RICTOR: variants seen among roughly 807,000 people sequenced by gnomAD.
RICTOR encodes the protein RPTOR independent companion of MTOR complex 2.
RICTOR carries 49 observed loss-of-function variants against 214.9 expected under a neutral mutation model. The observed-to-expected ratio is 0.23, with a 90% CI of 0.18 to 0.29. The LOEUF is 0.29. Ranked by LOEUF, RICTOR falls within the 10% of genes least tolerant of loss-of-function variation. RICTOR has a pLI of 1.00. For synonymous variants in RICTOR, 717 were observed against 711.3 expected (o/e 1.01, Z -0.13); for missense variants, 1,625 against 2,047.0 (o/e 0.79, Z 3.98).
chr5:38,942,795 C>A, intron 37 of RICTOR, 38 bp downstream of exon 37: 2 of 1,477,828 alleles, frequency 1.4e-6, no homozygotes, highest in Non-Finnish European at 1.9e-6. Flanking sequence ...CAGAATTATT[C>A]TTGGAAGATA....
At chr5:38,967,846 T>G in intron 12 of RICTOR, 97 bp downstream of exon 12, 1 of 617,682 alleles carries the variant, frequency 1.6e-6, no homozygotes, top group Non-Finnish European at 2.9e-6. Flanking sequence ...GAAAAGAAAA[T>G]AGTGTTCAAT....
chr5:39,067,425 G>T (rs1758984657), intron 2 of RICTOR, among the ~76,000 whole-genome samples: 2 of 152,056 alleles, frequency 1.3e-5, no homozygotes, highest in South Asian at 4.2e-4. Context: ...CCAGCATTGG[G>T]GATTACAATT....
At chr5:39,066,691 A>G (rs964053272) in intron 2 of RICTOR, among the ~76,000 whole-genome samples, 1 of 152,210 alleles carries the variant, frequency 6.6e-6, no homozygotes, top group Non-Finnish European at 1.5e-5. Context: ...AGCATCCAGG[A>G]CACATCTTGA....
At chr5:38,968,965 GTTTTTTTTTT>G (rs70982522) in intron 11 of RICTOR, among the ~76,000 whole-genome samples, 1 of 95,488 alleles carries the variant, frequency 1.0e-5, no homozygotes, top group Non-Finnish European at 2.0e-5. Context: ...CGGGGGAGGA[GTTTTTTTTTT>G]TTTTTTTTTT....
At chr5:38,995,936 T>A (rs1245846901) in intron 6 of RICTOR, among the ~76,000 whole-genome samples, 1 of 152,180 alleles carries the variant, frequency 6.6e-6, no homozygotes, top group African/African-American at 2.4e-5. Context: ...CATTTACTTG[T>A]TCACCTGTGA....
Position 38,940,130 on chromosome 5 carries a change from T to TAAA in RICTOR, c.*2171_*2173dup, listed in dbSNP as rs1554057737. 13 of 86,418 alleles carry TAAA rather than the reference T, an allele frequency of 1.5e-4. No individual in the cohort carries two copies. The highest frequency in any genetic ancestry group is 6.9e-4 in the African/African-American group (8 of 11,548). 5.4% of individuals were successfully genotyped at this position (86,418 alleles called of 1,614,324 possible). A position where few individuals can be genotyped will look rare whatever the true frequency, so the allele number is the denominator to read the frequency against. ...ACATACATATTTTTCAAAGTAACAG[T>TAAA]AAAAAAAAAAAACAAAAAAAAAAAC... On this transcript the variant is annotated 3_prime_UTR_variant, in exon 38 of 38. Coordinates refer to ENST00000357387, the MANE Select transcript of RICTOR (RefSeq NM_152756.5).
intron 5 of RICTOR, among the ~76,000 whole-genome samples, chr5:39,001,649 A>G (rs574971630): frequency 2.6e-5 from 4 of 152,110 alleles, no homozygotes; most frequent in Non-Finnish European, 5.9e-5. Flanking sequence ...ATATATCTGT[A>G]AAGACTCATA....
At chr5:38,945,177 A>G in intron 34 of RICTOR, 109 bp from the exon 35 acceptor site, 1 of 819,824 alleles carries the variant, frequency 1.2e-6, no homozygotes, top group East Asian at 2.7e-5. Context: ...CTCTAATTGT[A>G]TGCAATATAC....
At position 38,989,883 on chromosome 5, in the gene RICTOR, C is replaced by A. The variant is rs370304229; in HGVS notation, c.583+1066G>T. Among the ~76,000 whole-genome samples, 8 of 152,258 alleles carry A rather than the reference C, an allele frequency of 5.3e-5. No individual in the cohort carries two copies. In the South Asian group the frequency reaches 1.7e-3, roughly 32 times the overall value. On this transcript the variant is annotated intron_variant, in intron 7 of 37. Coordinates refer to ENST00000357387, the MANE Select transcript of RICTOR (RefSeq NM_152756.5). ...TAGAGAGGATGTGAAGAAATAGGAA[C>A]GCTTTCACACTGTTGGTGGGACTGT...
intron 14 of RICTOR, chr5:38,966,928 G>A (rs937044556): frequency 3.2e-4 from 189 of 593,504 alleles, no homozygotes; most frequent in Middle Eastern, 1.3e-3. Context: ...AGCCTCCTGA[G>A]TAGCTGGGAC....
At chr5:38,943,169 A>AC (rs1303457364) in intron 36 of RICTOR, 198 bp from the exon 37 acceptor site, 2 of 443,678 alleles carry the variant, frequency 4.5e-6, no homozygotes, top group Admixed American at 3.7e-5. Context: ...TTTTTTTTTA[A>AC]AAAAAATGAT....
chr5:38,960,492 T>C lies in RICTOR; in HGVS notation c.1757A>G (p.Lys586Arg). The C allele has an allele frequency of 6.2e-7, 1 of 1,613,790 alleles. No homozygotes were observed. Among genetic ancestry groups the C allele is most frequent in the Non-Finnish European group, 8.5e-7 (1 of 1,179,754 alleles). ...ATCCAGATCCAGGTTGGCATATAAT[T>C]TACTGCTGGGCTTGTAAAAATAAAG... ...RLLYFYKPSS[K>R]LYANLDLDFA... Residue 586 changes from lysine to arginine, a missense_variant, in exon 20 of 38, where the codon AAA becomes AGA. Physicochemically the swap from Lys to Arg is conservative, Grantham distance 26. Transcript: ENST00000357387.
chr5:39,063,652 G>A (rs1268873159), intron 2 of RICTOR, among the ~76,000 whole-genome samples: 1 of 151,898 alleles, frequency 6.6e-6, no homozygotes, highest in Non-Finnish European at 1.5e-5. Flanking sequence ...GTCTTTTACT[G>A]TACACTGATA....
chr5:38,976,528 A>C (rs1446616786), intron 9 of RICTOR, among the ~76,000 whole-genome samples: 1 of 152,154 alleles, frequency 6.6e-6, no homozygotes, highest in Non-Finnish European at 1.5e-5. Flanking sequence ...AAAATAACAG[A>C]AATGAAAATG....
At chr5:39,070,654 T>C (rs1759254773) in intron 2 of RICTOR, among the ~76,000 whole-genome samples, 1 of 152,176 alleles carries the variant, frequency 6.6e-6, no homozygotes, top group African/African-American at 2.4e-5. Flanking sequence ...TTCTAATAAT[T>C]ATATTTGAAC....
intron 15 of RICTOR, among the ~76,000 whole-genome samples, 192 bp from the exon 16 acceptor site, chr5:38,965,084 GGAAT>G (rs1750107615): frequency 6.6e-6 from 1 of 151,670 alleles, no homozygotes; most frequent in African/African-American, 2.4e-5. Context: ...CAACAAGGAT[GGAAT>G]ATAAAGATAC....
chr5:39,013,035 T>C (rs771245001), intron 3 of RICTOR, among the ~76,000 whole-genome samples: 7 of 152,248 alleles, frequency 4.6e-5, no homozygotes, highest in Non-Finnish European at 1.0e-4. Flanking sequence ...GAATGAAAAA[T>C]AGAGTGGCAG....
chr5:38,979,311 T>G (rs1751512015), intron 8 of RICTOR, among the ~76,000 whole-genome samples: 1 of 152,184 alleles, frequency 6.6e-6, no homozygotes, highest in African/African-American at 2.4e-5. Flanking sequence ...AGAACTACTA[T>G]ATTTTATTAA....
rs1244902503 is a variant in RICTOR at position 38,962,721 on chromosome 5, T to TA, written c.1567-136dup. On this transcript the variant is annotated intron_variant, in intron 17 of 37. Coordinates refer to ENST00000357387, the MANE Select transcript of RICTOR (RefSeq NM_152756.5). The stretch of plus-strand genomic sequence containing the variant: ...TCAAGGTTTTTTAACTTTAAAGTTA[T>TA]AAAAACCCATCTCCAAATTATAAAA... 2.8e-5 allele frequency: 22 copies of TA among 797,352 alleles called. No homozygotes were observed. The East Asian group carries it at 5.7e-4, about 21-fold the overall frequency. 49.4% of individuals were successfully genotyped at this position (797,352 alleles called of 1,614,324 possible).
Sources: allele counts gnomAD v4.1 joint callset (sites outside exome capture counted in the v4.1 genomes callset), GRCh38; gene constraint gnomAD v4.1.1; transcripts MANE v1.5; gene names NCBI Gene and HGNC (gene_info 2026-07-23, HGNC 2026-07-21).